Variants in ULK4 observed in about 807,000 individuals in gnomAD.
ULK4 encodes inactive serine/threonine-protein kinase ULK4.
In ULK4, 133 loss-of-function variants were observed where a neutral mutation model predicts 160.6. That is an observed-to-expected ratio of 0.83 (90% CI 0.72 to 0.96). The LOEUF (loss-of-function observed/expected upper bound fraction) is 0.96. Ranked by LOEUF, ULK4 falls within the 40% of genes least tolerant of loss-of-function variation. ULK4 has a pLI of 0.00. For synonymous variants in ULK4, 534 were observed against 539.8 expected, an observed-to-expected ratio of 0.99 and a Z score of 0.15; for missense variants, 1,580 against 1,499.5, an observed-to-expected ratio of 1.05 and a Z score of -0.89.
At chr3:41,775,081 G>C (rs1178779028) in intron 21 of ULK4, among the ~76,000 whole-genome samples, 1 of 131,064 alleles carries the variant, frequency 7.6e-6, no homozygotes, top group African/African-American at 3.0e-5. Flanking sequence ...TGAGGTGGAG[G>C]GAGGGGGGAG....
chr3:41,898,075 T>C (rs191324656), intron 14 of ULK4, among the ~76,000 whole-genome samples: 2 of 152,306 alleles, frequency 1.3e-5, no homozygotes, highest in East Asian at 3.9e-4. Flanking sequence ...CAATCCTTCA[T>C]TGTTGTCCCC....
chr3:41,844,717 C>T (rs1438256373), intron 17 of ULK4, among the ~76,000 whole-genome samples: 1 of 151,294 alleles, frequency 6.6e-6, no homozygotes, highest in East Asian at 2.0e-4. Context: ...TGCCAGCACG[C>T]TGTCACCTCT....
At chr3:41,774,739 T>C (rs1455107284) in intron 21 of ULK4, among the ~76,000 whole-genome samples, 5 of 150,218 alleles carry the variant, frequency 3.3e-5, no homozygotes, top group South Asian at 2.1e-4. Context: ...ACCCAAAGGA[T>C]TATAAATCAT....
intron 21 of ULK4, 113 bp downstream of exon 21, chr3:41,789,548 G>C (rs2040088887): frequency 9.8e-7 from 1 of 1,019,780 alleles, no homozygotes; most frequent in Non-Finnish European, 1.4e-6. Context: ...AGTTCAAAAA[G>C]GCCTCTTGGG....
At chr3:41,725,623 TCA>T (rs1388283244) in intron 22 of ULK4, among the ~76,000 whole-genome samples, 1 of 152,238 alleles carries the variant, frequency 6.6e-6, no homozygotes, top group Non-Finnish European at 1.5e-5. Flanking sequence ...ACTATATTAA[TCA>T]CAGTTATTTT....
chr3:41,395,294 T>C (rs917494095), intron 35 of ULK4, among the ~76,000 whole-genome samples: 12 of 151,600 alleles, frequency 7.9e-5, no homozygotes, highest in Non-Finnish European at 1.5e-4. Flanking sequence ...TGTAACTCAC[T>C]GAAAACTTCA....
chr3:41,646,818 T>C (rs980631726), intron 30 of ULK4, among the ~76,000 whole-genome samples: 1 of 152,226 alleles, frequency 6.6e-6, no homozygotes, highest in South Asian at 2.1e-4. Flanking sequence ...TCCCCGTCAC[T>C]TTCAGGTACA....
chr3:41,518,629 T>C (rs1438956477), intron 32 of ULK4, among the ~76,000 whole-genome samples: 2 of 152,248 alleles, frequency 1.3e-5, no homozygotes, highest in Non-Finnish European at 2.9e-5. Flanking sequence ...GTAATGTGCT[T>C]CAATAATGCT....
At chr3:41,913,489 T>C (rs1433603336) in intron 8 of ULK4, among the ~76,000 whole-genome samples, 3 of 152,194 alleles carry the variant, frequency 2.0e-5, no homozygotes, top group Non-Finnish European at 2.9e-5. Flanking sequence ...CCTCCCAAAG[T>C]GCTGGGATTA....
intron 35 of ULK4, among the ~76,000 whole-genome samples, chr3:41,282,451 G>T (rs1454749657): frequency 1.2e-4 from 19 of 152,040 alleles, no homozygotes; most frequent in Non-Finnish European, 1.5e-5. Flanking sequence ...CCAAAACAGA[G>T]ATATAGACCA....
intron 25 of ULK4, among the ~76,000 whole-genome samples, chr3:41,711,711 A>G (rs1371735920): frequency 6.6e-6 from 1 of 152,244 alleles, no homozygotes; most frequent in Non-Finnish European, 1.5e-5. Flanking sequence ...CAGAACTTAA[A>G]CACAACAAAG....
intron 27 of ULK4, among the ~76,000 whole-genome samples, chr3:41,695,179 T>C (rs1254587176): frequency 6.6e-6 from 1 of 152,236 alleles, no homozygotes; most frequent in Non-Finnish European, 1.5e-5. Flanking sequence ...GGAACCCTCA[T>C]GATCTAATCA....
Position 41,456,209 on chromosome 3 carries a change from CA to C in ULK4, c.3394-615del, listed in dbSNP as rs1238588950. 2.0e-5 allele frequency among the ~76,000 whole-genome samples: 3 copies of C among 152,150 alleles called. No homozygotes were observed. The East Asian group carries it at 5.8e-4, about 29-fold the overall frequency. On this transcript the variant is annotated intron_variant, in intron 33 of 36. Coordinates refer to ENST00000301831, the MANE Select transcript of ULK4 (RefSeq NM_017886.4). ...GCAGATGTGAGCCACCGCGCCCAGC[CA>C]AAAGTGCTTTATCTTAACCATCCTG...
At position 41,246,731 on chromosome 3, in the gene ULK4, C is replaced by G. The variant is rs760752910; in HGVS notation, c.*198G>C. Reference sequence around the variant, plus strand: ...CTTCCCAGATGCATTCCACAGGAACCAAGGAAGTCCATTCTGAGTCAGTTT... The same window carrying G: ...CTTCCCAGATGCATTCCACAGGAACGAAGGAAGTCCATTCTGAGTCAGTTT... On this transcript the variant is annotated 3_prime_UTR_variant, in exon 37 of 37. Transcript: ENST00000301831. The G allele has an allele frequency of 2.3e-4, 136 of 582,900 alleles. No homozygotes were observed. Among genetic ancestry groups the G allele is most frequent in the Middle Eastern group, 4.7e-4 (1 of 2,128 alleles). 36.1% of individuals were successfully genotyped at this position (582,900 alleles called of 1,614,324 possible).
intron 35 of ULK4, among the ~76,000 whole-genome samples, chr3:41,290,669 A>C (rs1036049969): frequency 1.3e-5 from 2 of 152,162 alleles, no homozygotes; most frequent in African/African-American, 4.8e-5. Context: ...GCAACATTAT[A>C]AAGTATGTGC....
Position 41,628,440 on chromosome 3 carries a change from G to C in ULK4, c.3072-12723C>G, listed in dbSNP as rs1018797622. 2.0e-5 allele frequency among the ~76,000 whole-genome samples: 3 copies of C among 152,104 alleles called. No homozygotes were observed. In the South Asian group the frequency reaches 6.2e-4, roughly 32 times the overall value. On this transcript the variant is annotated intron_variant, in intron 30 of 36. Transcript: ENST00000301831. ...CACTCCAATATGATGCACTGAGGAG[G>C]GGACAGCATCACTTCCATGTTATTC...
intron 31 of ULK4, among the ~76,000 whole-genome samples, chr3:41,586,848 T>C (rs1265868313): frequency 6.6e-6 from 1 of 152,140 alleles, no homozygotes; most frequent in African/African-American, 2.4e-5. Flanking sequence ...TCAAATTAAC[T>C]GTAAAAAATC....
intron 32 of ULK4, among the ~76,000 whole-genome samples, chr3:41,467,777 A>G (rs1232763970): frequency 6.6e-6 from 1 of 152,192 alleles, no homozygotes; most frequent in African/African-American, 2.4e-5. Flanking sequence ...GTCTCTATTG[A>G]TTGGGGTCAG....
intron 21 of ULK4, among the ~76,000 whole-genome samples, chr3:41,769,748 T>A (rs914157718): frequency 2.0e-5 from 3 of 152,286 alleles, no homozygotes; most frequent in East Asian, 3.9e-4. Flanking sequence ...AAATTAAGCA[T>A]AATGGTAAAA....
Sources: gnomAD v4.1 joint callset for allele counts (sites outside exome capture counted in the v4.1 genomes callset) on GRCh38, gnomAD v4.1.1 for gene constraint, MANE v1.5 for transcripts, NCBI Gene and HGNC (gene_info 2026-07-23, HGNC 2026-07-21) for gene names.